Variants in GAA observed in about 807,000 individuals in gnomAD.
The protein encoded by GAA is alpha glucosidase.
Under a neutral mutation model 103.9 loss-of-function variants are expected in GAA, and 88 were observed. The ratio of observed to expected loss-of-function variants is 0.85; its 90% CI spans 0.71 to 1.01. GAA has a LOEUF of 1.01. Ranked by LOEUF, GAA falls within the 50% of genes least tolerant of loss-of-function variation. The pLI is 0.00. For missense variants in GAA, 1,350 were observed against 1,305.3 expected, an observed-to-expected ratio of 1.03 and a Z score of -0.53; for synonymous variants, 572 against 563.1, an observed-to-expected ratio of 1.02 and a Z score of -0.22.
intron 1 of GAA, among the ~76,000 whole-genome samples, chr17:80,103,777 C>T (rs973094810): frequency 3.3e-5 from 5 of 152,166 alleles, no homozygotes; most frequent in Non-Finnish European, 1.5e-5. Flanking sequence ...GAGGTTAAGT[C>T]CTTTCTCTCT....
chr17:80,117,764 C>G lies in GAA; in HGVS notation c.2481+15C>G. The G allele has an allele frequency of 1.2e-6, 2 of 1,600,916 alleles. No homozygotes were observed. Among genetic ancestry groups the G allele is most frequent in the Non-Finnish European group, 1.7e-6 (2 of 1,176,102 alleles). ...TCCCCCTGCAGGTACCTGGGCCAGG[C>G]GGCTATGGTGGGGGTGTGGACAGCA... On this transcript the variant is annotated intron_variant, in intron 17 of 19. Coordinates refer to ENST00000302262, the MANE Select transcript of GAA (RefSeq NM_000152.5).
intron 1 of GAA, chr17:80,102,655 C>T (rs2038981791): frequency 2.0e-5 from 3 of 152,230 alleles, no homozygotes; most frequent in Non-Finnish European, 4.4e-5. Context: ...CTGCCCCCAC[C>T]TCACACCAGG....
rs1064794524 is a variant in GAA at position 80,110,786 on chromosome 17, GGAGGACATGGTGGCT to G, written c.1501_1515del (p.Asp501_Glu505del). ...CCAACCCCACAGCCCTGGCCTGGTG[GGAGGACATGGTGGCT>G]GAGTTCCATGACCAGGTGCCCTTCG... On this transcript the variant is annotated inframe_deletion, in exon 10 of 20. Coordinates refer to ENST00000302262, the MANE Select transcript of GAA (RefSeq NM_000152.5). 3 of 1,614,150 alleles carry G rather than the reference GGAGGACATGGTGGCT, an allele frequency of 1.9e-6. No individual in the cohort carries two copies. Among genetic ancestry groups the G allele is most frequent in the Non-Finnish European group, 2.5e-6 (3 of 1,180,028 alleles).
chr17:80,116,200 A>G (rs2039349228), intron 15 of GAA, among the ~76,000 whole-genome samples: 1 of 152,258 alleles, frequency 6.6e-6, no homozygotes, highest in African/African-American at 2.4e-5. Context: ...TACATTAGAG[A>G]AAATAAGACT....
intron 19 of GAA, 48 bp downstream of exon 19, chr17:80,118,853 G>A: frequency 1.2e-6 from 2 of 1,605,718 alleles, no homozygotes; most frequent in South Asian, 1.1e-5. Context: ...CAGCCGTGGT[G>A]CAGGGGGCAG....
intron 1 of GAA, among the ~76,000 whole-genome samples, chr17:80,103,548 G>A (rs1157895462): frequency 3.3e-5 from 5 of 152,280 alleles, no homozygotes. Context: ...TAGAATGTTT[G>A]CCATAAAATA....
intron 12 of GAA, 154 bp from the exon 13 acceptor site, chr17:80,112,422 CTG>C: frequency 1.1e-6 from 1 of 947,646 alleles, no homozygotes; most frequent in East Asian, 2.6e-5. Context: ...ACAGAGGCAA[CTG>C]TGCCCGCAGA....
Position 80,108,273 on chromosome 17 carries a change from A to T in GAA, c.956-17A>T, listed in dbSNP as rs2039141211. ...TGAAGAATCTGTCCCCCAACCCCAG[A>T]GCTGCTTCCCTTCCAGATGTGGTCC... On this transcript the variant is annotated splice_polypyrimidine_tract_variant and intron_variant, in intron 5 of 19. Transcript: ENST00000302262. 1 of 1,613,418 alleles carries T rather than the reference A, an allele frequency of 6.2e-7. No homozygotes were observed. Among genetic ancestry groups the T allele is most frequent in the African/African-American group, 1.3e-5 (1 of 75,006 alleles).
rs1417304813 is a variant in GAA at position 80,110,961 on chromosome 17, C to A, written c.1572C>A (p.Asn524Lys). The change falls in exon 11 of 20, where the codon AAC becomes AAA. Residue 524 changes from asparagine to lysine, a missense_variant. Physicochemically the swap from Asn to Lys is moderately conservative, Grantham distance 94. Coordinates refer to ENST00000302262, the MANE Select transcript of GAA (RefSeq NM_000152.5). ...GMWIDMNEPS[N>K]FIRGSEDGCP... ...TGCAGGACATGAACGAGCCTTCCAA[C>A]TTCATCAGGGGCTCTGAGGACGGCT... 6.2e-7 allele frequency: 1 copy of A among 1,613,984 alleles called. No homozygotes were observed. The highest frequency in any genetic ancestry group is 8.5e-7 in the Non-Finnish European group (1 of 1,179,988).
chr17:80,119,720 C>A lies in GAA; in HGVS notation c.*389C>A. The A allele has an allele frequency of 3.3e-6, 1 of 304,592 alleles. No homozygotes were observed. The highest frequency in any genetic ancestry group is 2.2e-5 in the African/African-American group (1 of 46,290). 18.9% of individuals were successfully genotyped at this position (304,592 alleles called of 1,614,324 possible). ...GGTATGCACCTGAGCTCCTGCTTCG[C>A]GCCTGCTGCTCTGCCCCAACGCGAC... On this transcript the variant is annotated 3_prime_UTR_variant, in exon 20 of 20. Transcript: ENST00000302262.
At chr17:80,106,010 TTC>T in intron 3 of GAA, 116 bp downstream of exon 3, 1 of 1,396,980 alleles carries the variant, frequency 7.2e-7, no homozygotes, top group East Asian at 2.3e-5. Flanking sequence ...ACATGTTTGT[TTC>T]TCACACGGCG....
rs753269119 is a variant in GAA, at chr17:80,112,679, G to A, written c.1856G>A (p.Ser619Asn). The A allele has an allele frequency of 1.2e-5, 20 of 1,611,154 alleles. No homozygotes were observed. The South Asian group carries it at 1.9e-4, about 15-fold the overall frequency. Residue 619 changes from serine (S) to asparagine (N), a missense_variant, in exon 13 of 20, where the codon AGC becomes AAC. Coordinates refer to ENST00000302262, the MANE Select transcript of GAA (RefSeq NM_000152.5). Reference sequence around the variant, plus strand: ...GGCCACTGGACGGGGGACGTGTGGAGCTCCTGGGAGCAGCTCGCCTCCTCC... The same window carrying A: ...GGCCACTGGACGGGGGACGTGTGGAACTCCTGGGAGCAGCTCGCCTCCTCC... ...YAGHWTGDVW[S>N]SWEQLASSVP...
Position 80,107,662 on chromosome 17 carries a change from C to G in GAA, c.798C>G (p.Pro266=), listed in dbSNP as rs1598575210. The change falls in exon 4 of 20, where the codon CCC becomes CCG. Residue 266 remains proline, a synonymous_variant. Coordinates refer to ENST00000302262, the MANE Select transcript of GAA (RefSeq NM_000152.5). ...CAGGCCTCGCCGAGCACCTCAGTCC[C>G]CTGATGCTCAGCACCAGCTGGACCA... The part of the protein sequence containing the change: ...YITGLAEHLS[P]LMLSTSWTRI... 3 of 1,612,996 alleles carry G rather than the reference C, an allele frequency of 1.9e-6. No individual in the cohort carries two copies. The African/African-American group carries it at 4.0e-5, about 22-fold the overall frequency.
chr17:80,109,240 C>T (rs750644604), intron 8 of GAA, among the ~76,000 whole-genome samples: 9 of 152,194 alleles, frequency 5.9e-5, no homozygotes, highest in East Asian at 1.9e-4. Flanking sequence ...CTGGAAAGGA[C>T]GGCGTGAGTG....
intron 3 of GAA, among the ~76,000 whole-genome samples, chr17:80,107,076 G>A (rs781438358): frequency 7.2e-5 from 11 of 152,142 alleles, no homozygotes; most frequent in Non-Finnish European, 1.0e-4. Context: ...GTTTATCTGC[G>A]GCTTTCATTT....
chr17:80,112,126 G>T, intron 12 of GAA, 26 bp downstream of exon 12: 1 of 1,595,232 alleles, frequency 6.3e-7, no homozygotes, highest in African/African-American at 1.3e-5. Flanking sequence ...CGCCCCACTG[G>T]GCTCTGCCCT....
At position 80,112,693 on chromosome 17, in the gene GAA, C is replaced by T. The variant is rs764377962; in HGVS notation, c.1870C>T (p.Leu624Phe). 1.2e-6 allele frequency: 2 copies of T among 1,609,626 alleles called. No homozygotes were observed. Among genetic ancestry groups the T allele is most frequent in the Admixed American group, 3.4e-5 (2 of 59,478 alleles). The change falls in exon 13 of 20, where the codon CTC becomes TTC. Residue 624 changes from leucine to phenylalanine, a missense_variant. Physicochemically the swap from Leu to Phe is conservative, Grantham distance 22. Transcript: ENST00000302262. ...TGDVWSSWEQ[L>F]ASSVPEILQF... ...GGACGTGTGGAGCTCCTGGGAGCAG[C>T]TCGCCTCCTCCGTGCCAGGTGAGCT...
Position 80,106,021 on chromosome 17 carries a change from C to T in GAA, c.692+127C>T, listed in dbSNP as rs530345315. 663 of 1,295,840 alleles carry T rather than the reference C, an allele frequency of 5.1e-4. 7 individuals are homozygous for T. The South Asian group carries it at 8.9e-3, about 17-fold the overall frequency. 80.3% of individuals were successfully genotyped at this position (1,295,840 alleles called of 1,614,324 possible). ...CGACACATGTTTGTTTCTCACACGG[C>T]GGGGAGGGCGACGGGCATTTCTCAC... On this transcript the variant is annotated intron_variant, in intron 3 of 19. Coordinates refer to ENST00000302262, the MANE Select transcript of GAA (RefSeq NM_000152.5).
chr17:80,109,923 T>G, intron 8 of GAA, 22 bp from the exon 9 acceptor site: 1 of 1,600,638 alleles, frequency 6.2e-7, no homozygotes, highest in African/African-American at 1.3e-5. Flanking sequence ...ACCCTCACCT[T>G]GACAGGTTTC....
Sources: gnomAD v4.1 joint callset for allele counts (sites outside exome capture counted in the v4.1 genomes callset) on GRCh38, gnomAD v4.1.1 for gene constraint, MANE v1.5 for transcripts, NCBI Gene and HGNC (gene_info 2026-07-23, HGNC 2026-07-21) for gene names.